The following SLCO3A1 variants were observed in gnomAD, a reference collection of about 807,000 sequenced individuals.
SLCO3A1 encodes solute carrier organic anion transporter family member 3A1.
SLCO3A1 carries 27 observed loss-of-function variants against 63.1 expected under a neutral mutation model. The observed-to-expected ratio is 0.43, with a 90% CI of 0.32 to 0.59. SLCO3A1 has a LOEUF of 0.59. SLCO3A1 is among the 20% of genes least tolerant of loss of function. The pLI is 0.09. For synonymous variants in SLCO3A1, 473 were observed against 409.9 expected (o/e 1.15, Z -1.86); for missense variants, 773 against 945.8 (o/e 0.82, Z 2.40).
chr15:91,981,163 GGGATGATTC>G (rs2045979354), intron 2 of SLCO3A1, among the ~76,000 whole-genome samples: 1 of 152,102 alleles, frequency 6.6e-6, no homozygotes, highest in African/African-American at 2.4e-5. Flanking sequence ...AGGCTGGGGT[GGGATGATTC>G]GGATGCCTGG....
chr15:92,107,621 T>A (rs2047681684), intron 4 of SLCO3A1, among the ~76,000 whole-genome samples: 1 of 152,236 alleles, frequency 6.6e-6, no homozygotes, highest in South Asian at 2.1e-4. Flanking sequence ...ATGTTGCAAT[T>A]TCTCATCCGT....
chr15:92,070,939 A>AAT (rs746613375), intron 2 of SLCO3A1, among the ~76,000 whole-genome samples: 2 of 152,156 alleles, frequency 1.3e-5, no homozygotes, highest in African/African-American at 4.8e-5. Flanking sequence ...ATCACAATTA[A>AAT]ATATATATAT....
At chr15:91,982,388 C>A (rs181241192) in intron 2 of SLCO3A1, among the ~76,000 whole-genome samples, 1 of 152,212 alleles carries the variant, frequency 6.6e-6, no homozygotes, top group African/African-American at 2.4e-5. Context: ...TAGTTTCTTT[C>A]GACAAATCTG....
chr15:91,854,282 G>C lies in SLCO3A1; in HGVS notation c.180+194G>C. ...CCGGGGCTGCCAGCGAGCGGGTAGC[G>C]GGCGGGACCGTTGATGCCGGTAGCA... On this transcript the variant is annotated intron_variant, in intron 1 of 9. Coordinates refer to ENST00000318445, the MANE Select transcript of SLCO3A1 (RefSeq NM_013272.4). The surrounding 1 kb of genome is among the most constrained non-coding windows in gnomAD (Gnocchi z 6.4). 1 of 1,157,948 alleles carries C rather than the reference G, an allele frequency of 8.6e-7. No individual in the cohort carries two copies. The highest frequency in any genetic ancestry group is 1.1e-6 in the Non-Finnish European group (1 of 936,694). 71.7% of individuals were successfully genotyped at this position (1,157,948 alleles called of 1,614,324 possible).
intron 2 of SLCO3A1, among the ~76,000 whole-genome samples, chr15:91,933,938 A>G (rs908640931): frequency 2.0e-5 from 3 of 152,104 alleles, no homozygotes; most frequent in Non-Finnish European, 2.9e-5. Flanking sequence ...AGATCTGAAT[A>G]CTCACGTGCC....
chr15:91,854,163 G>T lies in SLCO3A1; in HGVS notation c.180+75G>T. 8.0e-7 allele frequency: 1 copy of T among 1,257,676 alleles called. No individual in the cohort carries two copies. The highest frequency in any genetic ancestry group is 1.0e-6 in the Non-Finnish European group (1 of 980,108). The allele number at this position is 1,257,676 out of a possible 1,614,324, so 77.9% of individuals were successfully genotyped here. On this transcript the variant is annotated intron_variant, in intron 1 of 9. Coordinates refer to ENST00000318445, the MANE Select transcript of SLCO3A1 (RefSeq NM_013272.4). The surrounding 1 kb of genome is among the most constrained non-coding windows in gnomAD (Gnocchi z 6.4). ...TCGAGCGGCCGCCTGGCCCGACGAG[G>T]GGGCCGCCCGGCGCTGGGGGCAGGC... is the stretch of plus-strand genomic sequence containing the variant.
At position 91,942,866 on chromosome 15, in the gene SLCO3A1, T is replaced by A. The variant is rs1432183957; in HGVS notation, c.646+26408T>A. ...AGGCATGAGCCACCACACCCAGCCC[T>A]TTGCTGGAAATCTTAAGGGGAGTTC... is the stretch of plus-strand genomic sequence containing the variant. On this transcript the variant is annotated intron_variant, in intron 2 of 9. Transcript: ENST00000318445. This position sits in a 1 kb window ranked among gnomAD's most constrained non-coding sequence, Gnocchi z 4.1. Among the ~76,000 whole-genome samples, 2 of 152,170 alleles carry A rather than the reference T, an allele frequency of 1.3e-5. No homozygotes were observed. Among genetic ancestry groups the A allele is most frequent in the African/African-American group, 4.8e-5 (2 of 41,452 alleles).
At chr15:92,070,440 C>T (rs774760719) in intron 2 of SLCO3A1, among the ~76,000 whole-genome samples, 3 of 152,136 alleles carry the variant, frequency 2.0e-5, no homozygotes, top group East Asian at 1.9e-4. Flanking sequence ...GTTAGGAACT[C>T]GAGACCAGCC....
At chr15:92,095,263 T>C (rs4984322) in intron 3 of SLCO3A1, among the ~76,000 whole-genome samples, 48,161 of 152,162 alleles carry the variant, frequency 0.32, 8,588 homozygotes, top group East Asian at 0.41. Context: ...AAATAAAGGG[T>C]AACAATAATT....
At chr15:92,007,840 G>A (rs1025888520) in intron 2 of SLCO3A1, among the ~76,000 whole-genome samples, 4 of 152,122 alleles carry the variant, frequency 2.6e-5, no homozygotes, top group East Asian at 1.9e-4. Flanking sequence ...CCAAGGAAGA[G>A]CGATCCAAGC....
chr15:92,126,040 G>GC, intron 5 of SLCO3A1, 21 bp from the exon 6 acceptor site: 1 of 1,610,274 alleles, frequency 6.2e-7, no homozygotes, highest in Non-Finnish European at 8.5e-7. Flanking sequence ...TCACAGCCCT[G>GC]CCCCTCTATT....
At chr15:91,955,621 T>C (rs1567036324) in intron 2 of SLCO3A1, among the ~76,000 whole-genome samples, 1 of 152,244 alleles carries the variant, frequency 6.6e-6, no homozygotes, top group Non-Finnish European at 1.5e-5. Flanking sequence ...CACGAGCCAC[T>C]GCACCCAGCC....
chr15:92,168,047 G>A (rs2048502756), downstream of SLCO3A1, among the ~76,000 whole-genome samples: 1 of 152,188 alleles, frequency 6.6e-6, no homozygotes, highest in Admixed American at 6.5e-5. Context: ...TAGATCAGAT[G>A]CAAAAGTGGA....
At chr15:92,064,747 C>T (rs994313467) in intron 2 of SLCO3A1, among the ~76,000 whole-genome samples, 4 of 152,110 alleles carry the variant, frequency 2.6e-5, no homozygotes, top group African/African-American at 7.2e-5. Flanking sequence ...AACTGGAAGA[C>T]GTTATGAAAT....
At chr15:92,150,190 T>C (rs760748837) in intron 8 of SLCO3A1, among the ~76,000 whole-genome samples, 1 of 152,192 alleles carries the variant, frequency 6.6e-6, no homozygotes, top group Non-Finnish European at 1.5e-5. Flanking sequence ...GGGAGAAAGA[T>C]GTAGGTTGGA....
chr15:91,939,927 G>C (rs1393917360), intron 2 of SLCO3A1, among the ~76,000 whole-genome samples: 1 of 152,168 alleles, frequency 6.6e-6, no homozygotes, highest in African/African-American at 2.4e-5. Context: ...GAGAGGCCTA[G>C]TCACTTGCCT....
intron 2 of SLCO3A1, among the ~76,000 whole-genome samples, chr15:91,920,621 G>A (rs148272545): frequency 2.3e-4 from 35 of 152,240 alleles, no homozygotes; most frequent in South Asian, 4.1e-4. Flanking sequence ...TGCATCTTTC[G>A]CTCAGCTCTT....
chr15:92,016,207 A>AGATAGATG (rs2046425195), intron 2 of SLCO3A1, among the ~76,000 whole-genome samples: 1 of 73,158 alleles, frequency 1.4e-5, no homozygotes, highest in Non-Finnish European at 2.6e-5. Flanking sequence ...ATATTTATAT[A>AGATAGATG]GATAGATAGA....
intron 1 of SLCO3A1, among the ~76,000 whole-genome samples, chr15:91,884,511 C>CAAA (rs776448274): frequency 1.3e-4 from 13 of 102,234 alleles, no homozygotes; most frequent in East Asian, 5.9e-4. Context: ...GATTCTGTCT[C>CAAA]AAAAAAAAAA....
Sources: allele counts gnomAD v4.1 joint callset (sites outside exome capture counted in the v4.1 genomes callset), GRCh38; gene constraint gnomAD v4.1.1; non-coding constraint Gnocchi (gnomAD v3.1); transcripts MANE v1.5; gene names NCBI Gene and HGNC (gene_info 2026-07-23, HGNC 2026-07-21).